TOP3A: variants seen among roughly 807,000 people sequenced by gnomAD.
The protein encoded by TOP3A is DNA topoisomerase 3-alpha.
In TOP3A, 64 loss-of-function variants were observed where a neutral mutation model predicts 111.3. The observed-to-expected ratio is 0.57, with a 90% CI of 0.47 to 0.71. The LOEUF is 0.71. Ranked by LOEUF, TOP3A falls within the 30% of genes least tolerant of loss-of-function variation. The pLI is 0.00. For missense variants in TOP3A, 1,104 were observed against 1,285.0 expected (o/e 0.86, Z 2.15); for synonymous variants, 484 against 485.1 (o/e 1.00, Z 0.03).
rs1344596843 is a variant in TOP3A, at chr17:18,272,044, C to G, written c.*2758G>C. 6.6e-6 allele frequency among the ~76,000 whole-genome samples: 1 copy of G among 151,488 alleles called. No individual in the cohort carries two copies. Among genetic ancestry groups the G allele is most frequent in the African/African-American group, 2.4e-5 (1 of 41,194 alleles). On this transcript the variant is annotated 3_prime_UTR_variant, in exon 19 of 19. Transcript: ENST00000321105. ...TCGCACCACTGCACTCCAGCCTGGG[C>G]ACAAGAGCGAAACTCCATCTCAAAA...
chr17:18,309,204 T>TA (rs1039255914), intron 1 of TOP3A, among the ~76,000 whole-genome samples: 27 of 151,712 alleles, frequency 1.8e-4, no homozygotes, highest in Non-Finnish European at 2.1e-4. Context: ...AATAGAATAA[T>TA]AAAAAAAACA....
chr17:18,295,566 A>C (rs752038171), intron 9 of TOP3A, among the ~76,000 whole-genome samples: 9 of 151,670 alleles, frequency 5.9e-5, no homozygotes, highest in Non-Finnish European at 1.2e-4. Context: ...GGTTCATGCG[A>C]TTCTCCTGCC....
chr17:18,292,295 A>C (rs916239763), intron 11 of TOP3A, among the ~76,000 whole-genome samples: 1 of 152,140 alleles, frequency 6.6e-6, no homozygotes, highest in African/African-American at 2.4e-5. Flanking sequence ...GGCAACCAAA[A>C]CTGAGCCAGC....
chr17:18,292,906 C>A, intron 10 of TOP3A, 54 bp from the exon 11 acceptor site: 2 of 1,511,974 alleles, frequency 1.3e-6, no homozygotes, highest in South Asian at 2.5e-5. Flanking sequence ...TCTGATTGGT[C>A]TATAAACAAC....
chr17:18,301,863 C>T, intron 8 of TOP3A, 22 bp downstream of exon 8: 1 of 1,602,574 alleles, frequency 6.2e-7, no homozygotes, highest in Non-Finnish European at 8.5e-7. Flanking sequence ...AGAATGTTTC[C>T]TAGATCATTA....
intron 1 of TOP3A, 115 bp downstream of exon 1, chr17:18,314,484 G>A (rs144062868): frequency 8.1e-7 from 1 of 1,229,336 alleles, no homozygotes; most frequent in South Asian, 1.6e-5. Flanking sequence ...GAGGGGCAGT[G>A]AGGCCTGAGA....
chr17:18,306,551 A>G (rs1197528341), intron 4 of TOP3A: 1 of 168,400 alleles, frequency 5.9e-6, no homozygotes, highest in South Asian at 1.3e-4. Flanking sequence ...TTTTTTTTTG[A>G]GAGATAGGGT....
intron 17 of TOP3A, chr17:18,280,270 A>G: frequency 3.7e-6 from 1 of 267,370 alleles, no homozygotes; most frequent in Non-Finnish European, 7.0e-6. Context: ...TGTAGCAATC[A>G]TCTATCTGGA....
chr17:18,313,773 C>T lies in TOP3A; in HGVS notation c.180+826G>A, dbSNP rs1982066649. On this transcript the variant is annotated intron_variant, in intron 1 of 18. Transcript: ENST00000321105. ...CAGCATTCACACAACCCTGGCTCCA[C>T]TCCCACTATCCTTGATCTGGAAACA... Among the ~76,000 whole-genome samples the T allele has an allele frequency of 2.6e-5, 4 of 152,288 alleles. No homozygotes were observed. In the South Asian group the frequency reaches 6.2e-4, roughly 24 times the overall value.
intron 4 of TOP3A, among the ~76,000 whole-genome samples, chr17:18,306,116 C>G (rs1347558103): frequency 2.0e-5 from 3 of 152,074 alleles, no homozygotes; most frequent in Non-Finnish European, 4.4e-5. Flanking sequence ...GCAAGAGAAT[C>G]GCTTGAACCT....
At chr17:18,278,949 G>A (rs1241294560) in intron 17 of TOP3A, among the ~76,000 whole-genome samples, 1 of 152,142 alleles carries the variant, frequency 6.6e-6, no homozygotes, top group Non-Finnish European at 1.5e-5. Flanking sequence ...CTGCACTCCA[G>A]CCTGGTGACA....
chr17:18,308,733 T>A (rs894247893), intron 2 of TOP3A, 149 bp downstream of exon 2: 9 of 502,896 alleles, frequency 1.8e-5, no homozygotes, highest in Non-Finnish European at 2.8e-5. Flanking sequence ...GAACTCCTCA[T>A]AAATTATAAA....
intron 16 of TOP3A, among the ~76,000 whole-genome samples, chr17:18,282,039 C>T (rs981850342): frequency 6.6e-6 from 1 of 152,148 alleles, no homozygotes; most frequent in Non-Finnish European, 1.5e-5. Flanking sequence ...CCCTCCACCT[C>T]GTCTTTCCCC....
intron 9 of TOP3A, among the ~76,000 whole-genome samples, chr17:18,299,000 C>T (rs1981047934): frequency 6.6e-6 from 1 of 151,534 alleles, no homozygotes; most frequent in Admixed American, 6.6e-5. Flanking sequence ...CACTATTGTC[C>T]TGTGACCCTG....
intron 9 of TOP3A, among the ~76,000 whole-genome samples, chr17:18,298,018 G>A (rs537842660): frequency 1.5e-3 from 223 of 151,402 alleles, no homozygotes; most frequent in Middle Eastern, 7.0e-3. Context: ...GGGAAGTGAG[G>A]AGCGTCTCTG....
intron 18 of TOP3A, among the ~76,000 whole-genome samples, chr17:18,275,452 C>T (rs941145885): frequency 2.7e-5 from 4 of 150,366 alleles, no homozygotes; most frequent in African/African-American, 4.9e-5. Flanking sequence ...CTCCACCTCC[C>T]GGGTTCACGC....
chr17:18,286,627 T>C (rs1980124313), intron 13 of TOP3A, among the ~76,000 whole-genome samples: 1 of 152,172 alleles, frequency 6.6e-6, no homozygotes, highest in Non-Finnish European at 1.5e-5. Flanking sequence ...GTGGATAAAC[T>C]GGAATCCTAG....
rs142190837 is a variant in TOP3A, at chr17:18,277,042, T to C, written c.2827+633A>G. 5.2e-3 allele frequency among the ~76,000 whole-genome samples: 789 copies of C among 152,046 alleles called. 7 individuals carry two copies. Among genetic ancestry groups the C allele is most frequent in the African/African-American group, 0.019 (768 of 41,500 alleles). On this transcript the variant is annotated intron_variant, in intron 18 of 18. Transcript: ENST00000321105. ...TCTACTAAAAATACAAAATTAGCTGTGCGTGGTGGTGCATGCCTGTAATCC... is the reference window on the plus strand; with the variant it reads ...TCTACTAAAAATACAAAATTAGCTGCGCGTGGTGGTGCATGCCTGTAATCC...
In TOP3A at chr17:18,292,837, G is replaced by A. The variant is rs1254879152; in HGVS notation, c.1089C>T (p.Pro363=). The change falls in exon 11 of 19, where the codon CCC becomes CCT. Residue 363 remains proline (P), a synonymous_variant. Coordinates refer to ENST00000321105, the MANE Select transcript of TOP3A (RefSeq NM_004618.5). ...TGGGAAAAATGTTTGTTTCTGTTCG[G>A]GGATAGCTGATGTACCTAAAACCAA... ...KLYTQGYISY[P]RTETNIFPRD... is the part of the protein sequence containing the mutation. The A allele has an allele frequency of 1.2e-6, 2 of 1,612,892 alleles. No individual in the cohort carries two copies. The highest frequency in any genetic ancestry group is 3.3e-5 in the Admixed American group (2 of 59,770).
Sources: allele counts gnomAD v4.1 joint callset (sites outside exome capture counted in the v4.1 genomes callset), GRCh38; gene constraint gnomAD v4.1.1; transcripts MANE v1.5; gene names NCBI Gene and HGNC (gene_info 2026-07-23, HGNC 2026-07-21).